AMOTL2: variants seen among roughly 807,000 people sequenced by gnomAD.
AMOTL2 encodes angiomotin like 2.
In AMOTL2, 33 loss-of-function variants were observed where a neutral mutation model predicts 78.4. That is an observed-to-expected ratio of 0.42 (90% CI 0.32 to 0.56). The LOEUF is 0.56. Among genes scored for constraint, AMOTL2 ranks in the 20% least tolerant of loss-of-function variants. AMOTL2 has a pLI of 0.12. For missense variants in AMOTL2, 983 were observed against 1,030.1 expected, an observed-to-expected ratio of 0.95 and a Z score of 0.63; for synonymous variants, 422 against 428.8, an observed-to-expected ratio of 0.98 and a Z score of 0.20.
At chr3:134,361,306 C>T (rs2017349323) in intron 6 of AMOTL2, among the ~76,000 whole-genome samples, 1 of 152,316 alleles carries the variant, frequency 6.6e-6, no homozygotes, top group Middle Eastern at 3.4e-3. Flanking sequence ...GGCAGGGCCT[C>T]TACTAAGACA....
rs954983016 is a variant in AMOTL2, at chr3:134,372,726, G to A, written c.-61-1232C>T. ...TTGAGAGACCTGGGGCAGGGGAGAG[G>A]GGACTGTGAGCCTAAAGTGCTGGGA... On this transcript the variant is annotated intron_variant, in intron 1 of 9. Transcript: ENST00000249883. Among the ~76,000 whole-genome samples, 35 of 152,082 alleles carry A rather than the reference G, an allele frequency of 2.3e-4. 1 individual carries two copies. The highest frequency in any genetic ancestry group is 6.5e-5 in the Admixed American group (1 of 15,270).
rs2017052556 is a variant in AMOTL2, at chr3:134,355,722, T to G, written c.*1983A>C. Reference sequence around the variant, plus strand: ...TGAAAGGGGAAAAATGCCAGCCACATCCTCATTCCAACTCTATCCTTAATG... The same window carrying G: ...TGAAAGGGGAAAAATGCCAGCCACAGCCTCATTCCAACTCTATCCTTAATG... On this transcript the variant is annotated 3_prime_UTR_variant, in exon 10 of 10. Coordinates refer to ENST00000249883, the MANE Select transcript of AMOTL2 (RefSeq NM_016201.4). Among the ~76,000 whole-genome samples the G allele has an allele frequency of 6.6e-6, 1 of 152,198 alleles. No individual in the cohort carries two copies. Among genetic ancestry groups the G allele is most frequent in the Non-Finnish European group, 1.5e-5 (1 of 68,036 alleles).
At chr3:134,371,769 GC>G (rs2017876786) in intron 1 of AMOTL2, 2 of 431,922 alleles carry the variant, frequency 4.6e-6, no homozygotes, top group Non-Finnish European at 8.2e-6. Flanking sequence ...AGAGGCAGTG[GC>G]CTGCGAGCTC....
upstream of AMOTL2, chr3:134,374,705 A>AG (rs1019122761): frequency 6.1e-6 from 6 of 981,768 alleles, no homozygotes; most frequent in African/African-American, 8.8e-5. Context: ...AGCGCCCTCC[A>AG]GGCCGCGGTG....
intron 2 of AMOTL2, among the ~76,000 whole-genome samples, chr3:134,370,329 C>T (rs1437215054): frequency 6.6e-6 from 1 of 152,232 alleles, no homozygotes; most frequent in Non-Finnish European, 1.5e-5. Flanking sequence ...GGAAGTCCCA[C>T]CTTCTTCCTG....
intron 5 of AMOTL2, among the ~76,000 whole-genome samples, chr3:134,362,886 C>T (rs1359190081): frequency 6.6e-6 from 1 of 152,106 alleles, no homozygotes; most frequent in Non-Finnish European, 1.5e-5. Context: ...TATGGGCTCC[C>T]GCTAATGAAC....
chr3:134,371,063 G>T lies in AMOTL2; in HGVS notation c.371C>A (p.Thr124Asn), dbSNP rs753073199. 7 of 1,610,430 alleles carry T rather than the reference G, an allele frequency of 4.3e-6. No homozygotes were observed. Among genetic ancestry groups the T allele is most frequent in the Non-Finnish European group, 5.9e-6 (7 of 1,178,478 alleles). ...ATCTCGGTCCCCCGCATGTGGCCGGGTCCCTGCCTGCTGGGCCGCATAGTA... is the reference window on the plus strand; with the variant it reads ...ATCTCGGTCCCCCGCATGTGGCCGGTTCCCTGCCTGCTGGGCCGCATAGTA... ...SQYYAAQQAG[T>N]RPHAGDRDPR... The change falls in exon 2 of 10, where the codon ACC (threonine) becomes AAC (asparagine). Residue 124 changes from threonine (T) to asparagine (N), a missense_variant. Transcript: ENST00000249883.
rs753441368 is a variant in AMOTL2 at position 134,358,548 on chromosome 3, G to T, written c.2276C>A (p.Ala759Asp). The change falls in exon 9 of 10, where the codon GCC becomes GAC. Residue 759 changes from alanine to aspartate, a missense_variant. Coordinates refer to ENST00000249883, the MANE Select transcript of AMOTL2 (RefSeq NM_016201.4). ...GGGTCAGGAGGACTTACCCAGAGAG[G>T]CTGCTCTCTGGCTACTGCTGCACCC... ...LLGCSSSQRA[A>D]SLDSVATSRV... 6.2e-7 allele frequency: 1 copy of T among 1,613,340 alleles called. No individual in the cohort carries two copies. The highest frequency in any genetic ancestry group is 2.2e-5 in the East Asian group (1 of 44,868).
chr3:134,359,399 C>T lies in AMOTL2; in HGVS notation c.1988G>A (p.Arg663Gln), dbSNP rs751859743. The change falls in exon 8 of 10, where the codon CGG (arginine) becomes CAG (glutamine). Residue 663 changes from arginine to glutamine, a missense_variant. Arg to Gln is a conservative substitution (Grantham distance 43, BLOSUM62 1). Coordinates refer to ENST00000249883, the MANE Select transcript of AMOTL2 (RefSeq NM_016201.4). ...AACAGATGGCACCGACTTGGCAGGC[C>T]GCAGGGAGCCCTGGATGGCCTTGCC... ...DPGKAIQGSLRPAKSVPSVFA... is the reference protein window; with the variant it reads ...DPGKAIQGSLQPAKSVPSVFA... 13 of 1,614,056 alleles carry T rather than the reference C, an allele frequency of 8.1e-6. No individual in the cohort carries two copies. Among genetic ancestry groups the T allele is most frequent in the South Asian group, 7.7e-5 (7 of 91,084 alleles).
intron 1 of AMOTL2, 68 bp from the exon 2 acceptor site, chr3:134,371,562 T>A (rs1033719621): frequency 3.4e-6 from 5 of 1,483,180 alleles, no homozygotes; most frequent in South Asian, 2.6e-5. Context: ...GGAGAAGGCT[T>A]TCCAGGATTT....
chr3:134,375,130 C>G, upstream of AMOTL2: 12 of 1,526,122 alleles, frequency 7.9e-6, no homozygotes, highest in Non-Finnish European at 9.6e-6. Context: ...ATTTTACGAC[C>G]GTCTCGACAG....
At chr3:134,360,449 G>A (rs1392444949) in intron 6 of AMOTL2, 36 bp from the exon 7 acceptor site, 1 of 1,572,178 alleles carries the variant, frequency 6.4e-7, no homozygotes, top group Non-Finnish European at 8.6e-7. Flanking sequence ...GGTCAAGGGT[G>A]CAGGTTGGGG....
rs771954586 is a variant in AMOTL2, at chr3:134,367,714, G to A, written c.824C>T (p.Pro275Leu). The change falls in exon 3 of 10, where the codon CCA becomes CTA. Residue 275 changes from proline (P) to leucine (L), a missense_variant. By Grantham distance (98) the Pro-to-Leu change is moderately conservative. Coordinates refer to ENST00000249883, the MANE Select transcript of AMOTL2 (RefSeq NM_016201.4). ...GCCATGGCCGAGAGCAGCTGGATGT[G>A]GGGGAGGGGGGTGCTCCTGAGATTG... ...LQQSQEHPPP[P>L]HPAALGHGPL... 132 of 1,613,684 alleles carry A rather than the reference G, an allele frequency of 8.2e-5. 1 individual carries two copies. The East Asian group carries it at 2.9e-3, about 35-fold the overall frequency.
Position 134,370,917 on chromosome 3 carries a change from G to T in AMOTL2, c.517C>A (p.Arg173=). The change falls in exon 2 of 10, where the codon CGG becomes AGG. Residue 173 remains arginine, a synonymous_variant. Transcript: ENST00000249883. ...LQLSLERNGA[R]APSHMSSSHS... is the part of the protein sequence containing the mutation. Reference sequence around the variant, plus strand: ...GAGGAGCTCATGTGGCTGGGGGCCCGGGCGCCGTTCCTCTCCAGGGACAAC... The same window carrying T: ...GAGGAGCTCATGTGGCTGGGGGCCCTGGCGCCGTTCCTCTCCAGGGACAAC... 6.2e-7 allele frequency: 1 copy of T among 1,612,068 alleles called. No homozygotes were observed. Among genetic ancestry groups the T allele is most frequent in the South Asian group, 1.1e-5 (1 of 91,028 alleles).
intron 4 of AMOTL2, 125 bp from the exon 5 acceptor site, chr3:134,366,034 A>G: frequency 8.8e-7 from 1 of 1,132,968 alleles, no homozygotes; most frequent in Non-Finnish European, 1.3e-6. Flanking sequence ...AGGAAACCCC[A>G]GCTCAGCTCA....
chr3:134,375,052 C>A, upstream of AMOTL2: 4 of 1,461,050 alleles, frequency 2.7e-6, no homozygotes, highest in Non-Finnish European at 3.6e-6. Flanking sequence ...TTTCCCCTAA[C>A]CCCCGCTGTT....
In AMOTL2 at chr3:134,370,898, C is replaced by A; in HGVS notation, c.536G>T (p.Ser179Ile). 6.2e-7 allele frequency: 1 copy of A among 1,612,382 alleles called. No individual in the cohort carries two copies. The highest frequency in any genetic ancestry group is 8.5e-7 in the Non-Finnish European group (1 of 1,179,350). The change falls in exon 2 of 10, where the codon AGC (serine) becomes ATC (isoleucine). Residue 179 changes from serine to isoleucine, a missense_variant. By Grantham distance (142) the Ser-to-Ile change is moderately radical. Transcript: ENST00000249883. ...RNGARAPSHMSSSHSFPQLAR... is the reference protein window; with the variant it reads ...RNGARAPSHMISSHSFPQLAR... ...CAGCTGTGGGAAGCTGTGGGAGGAG[C>A]TCATGTGGCTGGGGGCCCGGGCGCC...
chr3:134,357,686 T>A lies in AMOTL2; in HGVS notation c.*19A>T, dbSNP rs754385200. 2 of 1,612,980 alleles carry A rather than the reference T, an allele frequency of 1.2e-6. No individual in the cohort carries two copies. Among genetic ancestry groups the A allele is most frequent in the Non-Finnish European group, 1.7e-6 (2 of 1,179,158 alleles). On this transcript the variant is annotated 3_prime_UTR_variant, in exon 10 of 10. Coordinates refer to ENST00000249883, the MANE Select transcript of AMOTL2 (RefSeq NM_016201.4). ...GAGGAGGGGAGAGAATGGCTCAGAGTCCTGAAGCACCACCTCCTTCAGATC... is the reference window on the plus strand; with the variant it reads ...GAGGAGGGGAGAGAATGGCTCAGAGACCTGAAGCACCACCTCCTTCAGATC...
chr3:134,374,213 C>T (rs111403594), intron 1 of AMOTL2, 129 bp downstream of exon 1: 3 of 984,314 alleles, frequency 3.0e-6, no homozygotes, highest in South Asian at 4.7e-5. Context: ...CGCACTGCGC[C>T]CCGAGGACGC....
Sources: allele counts gnomAD v4.1 joint callset (sites outside exome capture counted in the v4.1 genomes callset), GRCh38; gene constraint gnomAD v4.1.1; transcripts MANE v1.5; gene names NCBI Gene and HGNC (gene_info 2026-07-23, HGNC 2026-07-21).